The following GALNT17 variants were observed in gnomAD, a reference collection of about 807,000 sequenced individuals.
The protein encoded by GALNT17 is UDP-GalNAc:polypeptide N-acetylgalactosaminyltransferase-like 3.
GALNT17 carries 29 observed loss-of-function variants against 63.7 expected under a neutral mutation model. That is an observed-to-expected ratio of 0.46 (90% CI 0.34 to 0.62). The LOEUF (loss-of-function observed/expected upper bound fraction) is 0.62. Among genes scored for constraint, GALNT17 ranks in the 20% least tolerant of loss-of-function variants. GALNT17 has a pLI of 0.01. For missense variants in GALNT17, 603 were observed against 799.6 expected (o/e 0.75, Z 2.97); for synonymous variants, 305 against 318.3 (o/e 0.96, Z 0.45).
intron 6 of GALNT17, among the ~76,000 whole-genome samples, chr7:71,630,555 T>G (rs1790440405): frequency 6.6e-6 from 1 of 152,186 alleles, no homozygotes; most frequent in African/African-American, 2.4e-5. Flanking sequence ...TTGATGCTTG[T>G]TAGGATTGAT....
At chr7:71,648,100 G>A (rs1040817917) in intron 6 of GALNT17, among the ~76,000 whole-genome samples, 19 of 152,132 alleles carry the variant, frequency 1.2e-4, no homozygotes, top group African/African-American at 2.7e-4. Context: ...TGGTGGCACC[G>A]CTACCACTCA....
At chr7:71,577,227 A>T (rs1789553592) in intron 6 of GALNT17, among the ~76,000 whole-genome samples, 1 of 152,212 alleles carries the variant, frequency 6.6e-6, no homozygotes, top group African/African-American at 2.4e-5. Flanking sequence ...GGAGACAGAC[A>T]GCAGCCAAGG....
At chr7:71,227,584 C>T (rs1420241277) in intron 1 of GALNT17, among the ~76,000 whole-genome samples, 2 of 152,028 alleles carry the variant, frequency 1.3e-5, no homozygotes, top group Non-Finnish European at 2.9e-5. Flanking sequence ...CCCTGTTATC[C>T]CTCCTACCCC....
chr7:71,324,759 GTA>G (rs10553976), intron 1 of GALNT17, among the ~76,000 whole-genome samples: 96,899 of 151,590 alleles, frequency 0.64, 31,245 homozygotes, highest in African/African-American at 0.73. Flanking sequence ...ATGCGTGCGT[GTA>G]TATATATATA....
At chr7:71,423,134 CAG>C (rs1441665147) in intron 5 of GALNT17, among the ~76,000 whole-genome samples, 1 of 152,100 alleles carries the variant, frequency 6.6e-6, no homozygotes, top group African/African-American at 2.4e-5. Context: ...GGATGGGGGA[CAG>C]GGTATGGTGG....
At chr7:71,145,153 C>T (rs921301293) in intron 1 of GALNT17, among the ~76,000 whole-genome samples, 4 of 152,162 alleles carry the variant, frequency 2.6e-5, no homozygotes, top group African/African-American at 9.7e-5. Flanking sequence ...GAGTCAGCTT[C>T]TTGGGTTCTT....
At chr7:71,335,403 G>A (rs1391387192) in intron 1 of GALNT17, 147 bp from the exon 2 acceptor site, 1 of 769,498 alleles carries the variant, frequency 1.3e-6, no homozygotes, top group Non-Finnish European at 1.9e-6. Flanking sequence ...TGTTTTCAGG[G>A]CCTATACCTG....
intron 2 of GALNT17, among the ~76,000 whole-genome samples, chr7:71,354,467 A>G: frequency 6.6e-6 from 1 of 152,182 alleles, no homozygotes. Flanking sequence ...CAGTTTTTTC[A>G]GTAACTATAC....
intron 2 of GALNT17, among the ~76,000 whole-genome samples, chr7:71,353,681 G>A (rs1792227965): frequency 6.6e-6 from 1 of 152,160 alleles, no homozygotes; most frequent in South Asian, 2.1e-4. Flanking sequence ...GGACACACAT[G>A]AGGGAAAGGA....
chr7:71,577,418 C>T (rs1190786532), intron 6 of GALNT17, among the ~76,000 whole-genome samples: 1 of 152,188 alleles, frequency 6.6e-6, no homozygotes, highest in South Asian at 2.1e-4. Flanking sequence ...CATTCCCAGA[C>T]ACACACAAAC....
intron 1 of GALNT17, among the ~76,000 whole-genome samples, chr7:71,279,512 C>T (rs980476814): frequency 1.3e-5 from 2 of 151,900 alleles, no homozygotes; most frequent in African/African-American, 4.8e-5. Flanking sequence ...GCATTCCCCT[C>T]TTCTTACAAA....
chr7:71,442,785 T>C (rs1279096182), intron 5 of GALNT17, among the ~76,000 whole-genome samples: 1 of 152,138 alleles, frequency 6.6e-6, no homozygotes, highest in Non-Finnish European at 1.5e-5. Flanking sequence ...TCACGCTTGA[T>C]AAAGCAGTGG....
At chr7:71,357,681 T>A (rs958173617) in intron 2 of GALNT17, among the ~76,000 whole-genome samples, 1 of 151,998 alleles carries the variant, frequency 6.6e-6, no homozygotes, top group Non-Finnish European at 1.5e-5. Context: ...TCAAGGTGGG[T>A]GGATCATTTG....
intron 1 of GALNT17, among the ~76,000 whole-genome samples, chr7:71,237,846 A>G (rs1213480030): frequency 2.6e-5 from 4 of 152,020 alleles, no homozygotes; most frequent in Non-Finnish European, 4.4e-5. Flanking sequence ...GCCTCAGTTT[A>G]CTCACTTTTC....
At chr7:71,562,148 A>T (rs1011803828) in intron 5 of GALNT17, among the ~76,000 whole-genome samples, 5 of 152,004 alleles carry the variant, frequency 3.3e-5, no homozygotes, top group African/African-American at 1.2e-4. Context: ...TTTTTGGTAG[A>T]AATACATAGT....
At chr7:71,426,549 C>G (rs1473099768) in intron 5 of GALNT17, among the ~76,000 whole-genome samples, 1 of 152,152 alleles carries the variant, frequency 6.6e-6, no homozygotes, top group East Asian at 1.9e-4. Context: ...AAACCTGGCA[C>G]TGGCATCTTG....
intron 1 of GALNT17, among the ~76,000 whole-genome samples, chr7:71,252,950 AC>A (rs1184216234): frequency 6.6e-6 from 1 of 152,182 alleles, no homozygotes; most frequent in East Asian, 1.9e-4. Flanking sequence ...GGGACAAAGG[AC>A]AGATTTGAAA....
chr7:71,222,490 C>G (rs1265182130), intron 1 of GALNT17, among the ~76,000 whole-genome samples: 1 of 151,982 alleles, frequency 6.6e-6, no homozygotes, highest in Non-Finnish European at 1.5e-5. Context: ...CAAGGTTTCT[C>G]CATGTTGTCC....
intron 3 of GALNT17, among the ~76,000 whole-genome samples, chr7:71,414,155 C>T (rs1793482182): frequency 6.6e-6 from 1 of 152,086 alleles, no homozygotes; most frequent in Non-Finnish European, 1.5e-5. Flanking sequence ...GCAGGAGAAT[C>T]ACATGAACCC....
Sources: allele counts gnomAD v4.1 joint callset (sites outside exome capture counted in the v4.1 genomes callset), GRCh38; gene constraint gnomAD v4.1.1; transcripts MANE v1.5; gene names NCBI Gene and HGNC (gene_info 2026-07-23, HGNC 2026-07-21).